HSD17B12: variants seen among roughly 807,000 people sequenced by gnomAD.
The protein encoded by HSD17B12 is very-long-chain 3-oxoacyl-CoA reductase.
HSD17B12 carries 32 observed loss-of-function variants against 39.3 expected under a neutral mutation model. That is an observed-to-expected ratio of 0.81 (90% CI 0.61 to 1.09). The LOEUF is 1.09. Among genes scored for constraint, HSD17B12 ranks in the 50% least tolerant of loss-of-function variants. The pLI is 0.00. For synonymous variants in HSD17B12, 150 were observed against 146.7 expected, an observed-to-expected ratio of 1.02 and a Z score of -0.16; for missense variants, 342 against 382.9, an observed-to-expected ratio of 0.89 and a Z score of 0.89.
intron 9 of HSD17B12, 183 bp from the exon 10 acceptor site, chr11:43,854,532 A>G (rs187142567): frequency 3.8e-4 from 218 of 569,026 alleles, no homozygotes; most frequent in African/African-American, 3.1e-3. Flanking sequence ...ATTTGTTACA[A>G]TTTGTTTTAT....
intron 1 of HSD17B12, among the ~76,000 whole-genome samples, chr11:43,749,256 AG>A (rs1168800478): frequency 6.6e-6 from 1 of 152,128 alleles, no homozygotes; most frequent in Non-Finnish European, 1.5e-5. Context: ...GAAAGGGGAG[AG>A]GGGTTATAGA....
At chr11:43,710,537 T>C (rs1379953514) in intron 1 of HSD17B12, among the ~76,000 whole-genome samples, 2 of 152,214 alleles carry the variant, frequency 1.3e-5, no homozygotes, top group Admixed American at 6.5e-5. Flanking sequence ...TGATATGTGA[T>C]TTAAGTTCCT....
intron 9 of HSD17B12, among the ~76,000 whole-genome samples, chr11:43,840,545 C>T (rs1320532139): frequency 1.3e-5 from 2 of 151,980 alleles, no homozygotes; most frequent in African/African-American, 2.4e-5. Flanking sequence ...CTCCCCATTT[C>T]CCCTTCCCTC....
At chr11:43,725,695 A>G (rs1950214677) in intron 1 of HSD17B12, among the ~76,000 whole-genome samples, 1 of 152,210 alleles carries the variant, frequency 6.6e-6, no homozygotes, top group Non-Finnish European at 1.5e-5. Flanking sequence ...GGAGAGAGAC[A>G]AAAATAAACA....
the HSD17B12 span, among the ~76,000 whole-genome samples, chr11:43,575,128 A>G: frequency 6.6e-6 from 1 of 152,186 alleles, no homozygotes; most frequent in Non-Finnish European, 1.5e-5. The surrounding 1 kb of genome is among the most constrained non-coding windows in gnomAD (Gnocchi z 4.1). Flanking sequence ...GGTTGTGTGC[A>G]TGTGTGTATT....
chr11:43,795,579 G>A (rs1019113245), intron 3 of HSD17B12, among the ~76,000 whole-genome samples: 1 of 152,116 alleles, frequency 6.6e-6, no homozygotes, highest in Non-Finnish European at 1.5e-5. Flanking sequence ...ATTCTTCTGG[G>A]GAAATTTTCT....
intron 1 of HSD17B12, among the ~76,000 whole-genome samples, chr11:43,713,360 T>A (rs1032303731): frequency 6.8e-6 from 1 of 147,762 alleles, no homozygotes; most frequent in African/African-American, 2.5e-5. Flanking sequence ...TTCCCACCTA[T>A]GAGTGAGAAC....
At chr11:43,666,351 C>T in the HSD17B12 span, among the ~76,000 whole-genome samples, 1 of 152,128 alleles carries the variant, frequency 6.6e-6, no homozygotes. Flanking sequence ...ACCTTAGGCA[C>T]ACACCACCCC....
chr11:43,794,911 G>A (rs759529892), intron 3 of HSD17B12, among the ~76,000 whole-genome samples: 2 of 152,130 alleles, frequency 1.3e-5, no homozygotes, highest in Non-Finnish European at 2.9e-5. Context: ...TTAGACCTTT[G>A]TAATGAGGCA....
At chr11:43,764,737 C>G (rs1254584117) in intron 3 of HSD17B12, among the ~76,000 whole-genome samples, 1 of 152,072 alleles carries the variant, frequency 6.6e-6, no homozygotes, top group Non-Finnish European at 1.5e-5. Flanking sequence ...TTTACTTTGT[C>G]TAGCTTTCTT....
Position 43,840,063 on chromosome 11 carries a change from A to C in HSD17B12, c.683A>C (p.Gln228Pro). ...EEYRSKGVFV[Q>P]SVLPYFVATK... ...TATAGGAGCAAGGGCGTCTTTGTGC[A>C]GGTGAGTGGAGTTTGTTTCACTTAA... The change falls in exon 9 of 11, where the codon CAG becomes CCG. Residue 228 changes from glutamine (Q) to proline (P), a missense_variant and splice_region_variant. Physicochemically the swap from Gln to Pro is moderately conservative, Grantham distance 76. Coordinates refer to ENST00000278353, the MANE Select transcript of HSD17B12 (RefSeq NM_016142.3). The C allele has an allele frequency of 6.2e-7, 1 of 1,610,824 alleles. No homozygotes were observed. Among genetic ancestry groups the C allele is most frequent in the Non-Finnish European group, 8.5e-7 (1 of 1,178,280 alleles).
chr11:43,711,304 G>A (rs1285790875), intron 1 of HSD17B12, among the ~76,000 whole-genome samples: 2 of 151,820 alleles, frequency 1.3e-5, no homozygotes, highest in African/African-American at 4.8e-5. Flanking sequence ...AAATTTAGTT[G>A]TTTGCACAGA....
In HSD17B12 at chr11:43,766,126, C is replaced by T. The variant is rs564714645; in HGVS notation, c.283+12005C>T. Among the ~76,000 whole-genome samples the T allele has an allele frequency of 4.6e-5, 7 of 152,268 alleles. No individual in the cohort carries two copies. The East Asian group carries it at 9.6e-4, about 21-fold the overall frequency. ...AGGCGTGAGCCACCGTGCCCGGCCTCGCCTTTTCTTAACGTGCTCACTCTC... is the reference window on the plus strand; with the variant it reads ...AGGCGTGAGCCACCGTGCCCGGCCTTGCCTTTTCTTAACGTGCTCACTCTC... On this transcript the variant is annotated intron_variant, in intron 3 of 10. Coordinates refer to ENST00000278353, the MANE Select transcript of HSD17B12 (RefSeq NM_016142.3).
chr11:43,786,883 T>A (rs1950819719), intron 3 of HSD17B12, among the ~76,000 whole-genome samples: 1 of 152,216 alleles, frequency 6.6e-6, no homozygotes, highest in Non-Finnish European at 1.5e-5. Context: ...GAATATTAAC[T>A]ATATCTCTAT....
At chr11:43,818,653 T>C (rs535610974) in intron 6 of HSD17B12, among the ~76,000 whole-genome samples, 1 of 152,262 alleles carries the variant, frequency 6.6e-6, no homozygotes, top group South Asian at 2.1e-4. Context: ...ATTAGCCAAG[T>C]TTTTTTCTCA....
the HSD17B12 span, among the ~76,000 whole-genome samples, chr11:43,617,776 G>A: frequency 4.6e-5 from 7 of 152,142 alleles, no homozygotes; most frequent in East Asian, 3.9e-4. Flanking sequence ...TCAAGTGCCC[G>A]TTCTACAGGA....
intron 2 of HSD17B12, among the ~76,000 whole-genome samples, chr11:43,751,173 T>C (rs187277139): frequency 2.0e-5 from 3 of 152,326 alleles, no homozygotes; most frequent in Admixed American, 2.0e-4. Context: ...AGTATAAAAC[T>C]TTCTGGTTGT....
chr11:43,788,995 A>G (rs1482817634), intron 3 of HSD17B12, among the ~76,000 whole-genome samples: 1 of 152,152 alleles, frequency 6.6e-6, no homozygotes, highest in Non-Finnish European at 1.5e-5. Context: ...TACAACCTCC[A>G]CCAGCTGTCT....
In HSD17B12 at chr11:43,838,515, C is replaced by T. The variant is rs546380909; in HGVS notation, c.618+117C>T. 1.5e-4 allele frequency: 117 copies of T among 763,712 alleles called. No homozygotes were observed. In the South Asian group the frequency reaches 1.8e-3, roughly 11 times the overall value. 47.3% of individuals were successfully genotyped at this position (763,712 alleles called of 1,614,324 possible). The stretch of plus-strand genomic sequence containing the variant: ...CTGTTCTTGGCAGTTTTCCAGTAGA[C>T]TGAGAAGAAAAGGAAAATACCCTAC... On this transcript the variant is annotated intron_variant, in intron 8 of 10. Coordinates refer to ENST00000278353, the MANE Select transcript of HSD17B12 (RefSeq NM_016142.3).
Sources: gnomAD v4.1 joint callset for allele counts (sites outside exome capture counted in the v4.1 genomes callset) on GRCh38, gnomAD v4.1.1 for gene constraint, Gnocchi (gnomAD v3.1) non-coding constraint, MANE v1.5 for transcripts, NCBI Gene and HGNC (gene_info 2026-07-23, HGNC 2026-07-21) for gene names.